The following ABCB4 variants were observed in gnomAD, a reference collection of about 807,000 sequenced individuals.
The protein encoded by ABCB4 is ATP binding cassette subfamily B member 4.
ABCB4 carries 76 observed loss-of-function variants against 145.7 expected under a neutral mutation model. The ratio of observed to expected loss-of-function variants is 0.52; its 90% CI spans 0.43 to 0.63. ABCB4 has a LOEUF of 0.63. Among genes scored for constraint, ABCB4 ranks in the 30% least tolerant of loss-of-function variants. ABCB4 has a pLI of 0.00. For missense variants in ABCB4, 1,234 were observed against 1,553.1 expected (o/e 0.79, Z 3.45); for synonymous variants, 517 against 566.8 (o/e 0.91, Z 1.25).
chr7:87,415,353 A>T (rs1232832666), intron 21 of ABCB4, among the ~76,000 whole-genome samples: 1 of 152,188 alleles, frequency 6.6e-6, no homozygotes, highest in African/African-American at 2.4e-5. Flanking sequence ...TTAAATAGTG[A>T]TTTGGGGTTT....
chr7:87,424,536 A>T (rs778651329), intron 16 of ABCB4, among the ~76,000 whole-genome samples: 8 of 152,184 alleles, frequency 5.3e-5, no homozygotes, highest in Non-Finnish European at 1.0e-4. Context: ...AATGTAGGAA[A>T]CCATTACTAA....
At chr7:87,406,197 A>G (rs1423231753) in intron 26 of ABCB4, 91 bp downstream of exon 26, 7 of 1,340,488 alleles carry the variant, frequency 5.2e-6, no homozygotes, top group African/African-American at 1.4e-5. Flanking sequence ...AAATCAACAT[A>G]TTTTGTTACA....
At chr7:87,371,383 T>A in the ABCB4 span, among the ~76,000 whole-genome samples, 21 of 152,362 alleles carry the variant, frequency 1.4e-4, no homozygotes, top group Admixed American at 7.2e-4. Flanking sequence ...TCTTTTAAAC[T>A]ATTACATAGA....
chr7:87,390,250 T>C, the ABCB4 span, among the ~76,000 whole-genome samples: 1 of 152,192 alleles, frequency 6.6e-6, no homozygotes, highest in African/African-American at 2.4e-5. Context: ...CTCCATCTTT[T>C]AAGATTAAGA....
At chr7:87,431,812 T>G (rs1363150965) in intron 14 of ABCB4, among the ~76,000 whole-genome samples, 1 of 152,306 alleles carries the variant, frequency 6.6e-6, no homozygotes, top group African/African-American at 2.4e-5. Flanking sequence ...AAACCTATGG[T>G]AGTGTCAGTG....
rs193290649 is a variant in ABCB4, at chr7:87,421,466, G to A, written c.2316+655C>T. Among the ~76,000 whole-genome samples, 85 of 152,280 alleles carry A rather than the reference G, an allele frequency of 5.6e-4. 1 individual carries two copies. Among genetic ancestry groups the A allele is most frequent in the African/African-American group, 2.0e-3 (85 of 41,542 alleles). ...AAATCATTGAGTTGTGTCTAGTAGG[G>A]CAATGATTTCTAAATAAAAAACTTG... On this transcript the variant is annotated intron_variant, in intron 18 of 27. Transcript: ENST00000649586.
intron 14 of ABCB4, among the ~76,000 whole-genome samples, chr7:87,432,275 T>C (rs1450261210): frequency 6.6e-6 from 1 of 152,220 alleles, no homozygotes; most frequent in Non-Finnish European, 1.5e-5. Flanking sequence ...AGTATTGATA[T>C]TATGTCATTA....
chr7:87,467,975 A>G (rs2116942811), intron 3 of ABCB4, among the ~76,000 whole-genome samples: 1 of 152,334 alleles, frequency 6.6e-6, no homozygotes, highest in Middle Eastern at 3.4e-3. Flanking sequence ...CTAACATCAC[A>G]ATTAAAAGAA....
At position 87,443,395 on chromosome 7, in the gene ABCB4, AG is replaced by A; in HGVS notation, c.1279del (p.Leu427TrpfsTer15). 1 of 1,614,138 alleles carries A rather than the reference AG, an allele frequency of 6.2e-7. No individual in the cohort carries two copies. The highest frequency in any genetic ancestry group is 2.2e-5 in the East Asian group (1 of 44,868). On this transcript the variant is annotated frameshift_variant, in exon 12 of 28. Coordinates refer to ENST00000649586, the MANE Select transcript of ABCB4 (RefSeq NM_000443.4). LOFTEE classifies it high-confidence loss of function. ...CTTCCCACAGCCACTACTTCCAACC[AG>A]GGCCACCGTCTGCCCACTCTGCACC... Reference protein sequence around the residue: ...LKVQSGQTVALVGSSGCGKST... With the variant: ...LKVQSGQTVAXVGSSGCGKST...
At position 87,431,281 on chromosome 7, in the gene ABCB4, C is replaced by T; in HGVS notation, c.1893+123G>A. The T allele has an allele frequency of 7.0e-6, 9 of 1,291,194 alleles. No homozygotes were observed. The South Asian group carries it at 1.1e-4, about 16-fold the overall frequency. The allele number at this position is 1,291,194 out of a possible 1,614,324, so 80.0% of individuals were successfully genotyped here. A position where few individuals can be genotyped will look rare whatever the true frequency, so the allele number is the denominator to read the frequency against. ...TCTGATTTAAAGTCTCAGATATACA[C>T]TTTTAGGCATCTTGTTGAAGTTTCT... On this transcript the variant is annotated intron_variant, in intron 15 of 27. Coordinates refer to ENST00000649586, the MANE Select transcript of ABCB4 (RefSeq NM_000443.4).
chr7:87,402,513 T>C (rs563631811), intron 27 of ABCB4, among the ~76,000 whole-genome samples: 2 of 152,338 alleles, frequency 1.3e-5, no homozygotes, highest in African/African-American at 4.8e-5. Flanking sequence ...TGGGTTCCCA[T>C]GCTGTAAAAA....
In ABCB4 at chr7:87,407,910, A is replaced by G. The variant is rs186591221; in HGVS notation, c.3279+127T>C. 1.2e-5 allele frequency: 14 copies of G among 1,211,850 alleles called. No individual in the cohort carries two copies. The African/African-American group carries it at 1.5e-4, about 13-fold the overall frequency. 75.1% of individuals were successfully genotyped at this position (1,211,850 alleles called of 1,614,324 possible). On this transcript the variant is annotated intron_variant, in intron 25 of 27. Transcript: ENST00000649586. Reference sequence around the variant, plus strand: ...CCAGATATGGTGCCAGTTGGGGTTTATAGAATGTGGTCATTGTATCAAACA... The same window carrying G: ...CCAGATATGGTGCCAGTTGGGGTTTGTAGAATGTGGTCATTGTATCAAACA...
In ABCB4 at chr7:87,475,376, G is replaced by A; in HGVS notation, c.80+10C>T. On this transcript the variant is annotated intron_variant, in intron 2 of 27. Coordinates refer to ENST00000649586, the MANE Select transcript of ABCB4 (RefSeq NM_000443.4). The stretch of plus-strand genomic sequence containing the variant: ...TGTAACGGAAAAGCCAGTGGCTGCT[G>A]GGGATGTACCTGCTGATGCCCAGTT... 3 of 1,614,164 alleles carry A rather than the reference G, an allele frequency of 1.9e-6. No individual in the cohort carries two copies. The highest frequency in any genetic ancestry group is 2.5e-6 in the Non-Finnish European group (3 of 1,179,962).
intron 10 of ABCB4, among the ~76,000 whole-genome samples, chr7:87,444,311 T>C (rs542311231): frequency 2.6e-4 from 40 of 152,362 alleles, no homozygotes; most frequent in African/African-American, 7.7e-4. Flanking sequence ...TTAGATTAAA[T>C]GATCAAATTT....
At chr7:87,380,451 T>G in the ABCB4 span, among the ~76,000 whole-genome samples, 1 of 152,294 alleles carries the variant, frequency 6.6e-6, no homozygotes, top group African/African-American at 2.4e-5. Flanking sequence ...TATGTATGTA[T>G]GCATTATCTC....
At chr7:87,420,215 G>C (rs1455893895) in intron 18 of ABCB4, 140 bp from the exon 19 acceptor site, 1 of 764,308 alleles carries the variant, frequency 1.3e-6, no homozygotes, top group Non-Finnish European at 2.3e-6. Context: ...TTAATAACCT[G>C]AGCAGCCCCA....
At position 87,413,669 on chromosome 7, in the gene ABCB4, G is replaced by C. The variant is rs1808778110; in HGVS notation, c.2731C>G (p.Gln911Glu). The change falls in exon 22 of 28, where the codon CAG becomes GAG. Residue 911 changes from glutamine to glutamate, a missense_variant. By Grantham distance (29) the Gln-to-Glu change is conservative (BLOSUM62 2). Transcript: ENST00000649586. ...TACATTGATTCAAATTTTCTTTCCT[G>C]GGTCAAAGACACAACTGTCCTAATA... Reference protein sequence around the residue: ...ENIRTVVSLTQERKFESMYVE... With the variant: ...ENIRTVVSLTEERKFESMYVE... 1 of 1,612,544 alleles carries C rather than the reference G, an allele frequency of 6.2e-7. No homozygotes were observed. Among genetic ancestry groups the C allele is most frequent in the African/African-American group, 1.3e-5 (1 of 74,846 alleles).
the ABCB4 span, among the ~76,000 whole-genome samples, chr7:87,381,236 A>G: frequency 1.3e-5 from 2 of 152,190 alleles, no homozygotes; most frequent in African/African-American, 4.8e-5. Context: ...TGTAACTTTT[A>G]TCTAAGGAAC....
At chr7:87,428,720 GA>G (rs1300785045) in intron 15 of ABCB4, among the ~76,000 whole-genome samples, 1 of 152,120 alleles carries the variant, frequency 6.6e-6, no homozygotes, top group African/African-American at 2.4e-5. Flanking sequence ...TACTTTCACA[GA>G]GGAAGAAAAA....
Sources: gnomAD v4.1 joint callset for allele counts (sites outside exome capture counted in the v4.1 genomes callset) on GRCh38, gnomAD v4.1.1 for gene constraint, MANE v1.5 for transcripts, NCBI Gene and HGNC (gene_info 2026-07-23, HGNC 2026-07-21) for gene names.